PLA2G10: variants seen among roughly 807,000 people sequenced by gnomAD.
The protein encoded by PLA2G10 is phospholipase A2 group X, also known as group 10 secretory phospholipase A2.
In PLA2G10, 9 loss-of-function variants were observed where a neutral mutation model predicts 7.9. The observed-to-expected ratio is 1.14, with a 90% CI of 0.68 to 1.98. The LOEUF (loss-of-function observed/expected upper bound fraction) is 1.98, where lower values mean the gene tolerates loss of function less well. PLA2G10 is among the 30% of genes most tolerant of loss of function. The probability of loss-of-function intolerance (pLI) is 0.00; values close to 1 mark genes in which losing one functional copy is unlikely to be tolerated. For synonymous variants in PLA2G10, 19 were observed against 27.5 expected (o/e 0.69, Z 0.97); for missense variants, 53 against 65.4 (o/e 0.81, Z 0.66).
intron 3 of PLA2G10, among the ~76,000 whole-genome samples, chr16:14,682,463 T>G (rs1304102797): frequency 6.6e-6 from 1 of 151,934 alleles, no homozygotes; most frequent in Non-Finnish European, 1.5e-5. Context: ...TAGTCCCAGC[T>G]ACTCAGAAGA....
At chr16:14,679,990 G>T (rs1960843567) in intron 3 of PLA2G10, among the ~76,000 whole-genome samples, 1 of 151,990 alleles carries the variant, frequency 6.6e-6, no homozygotes, top group Admixed American at 6.6e-5. Context: ...TGATATACGT[G>T]ACCTCTTTTT....
At chr16:14,680,646 G>C (rs1960864732) in intron 3 of PLA2G10, among the ~76,000 whole-genome samples, 1 of 152,154 alleles carries the variant, frequency 6.6e-6, no homozygotes, top group African/African-American at 2.4e-5. Context: ...ACAGGTGGGA[G>C]CCATCGTACT....
intron 3 of PLA2G10, among the ~76,000 whole-genome samples, chr16:14,684,286 G>A (rs768641016): frequency 1.1e-4 from 15 of 135,194 alleles, no homozygotes; most frequent in South Asian, 4.6e-4. Flanking sequence ...GAAGTGAGCC[G>A]AGATCACGCC....
At chr16:14,679,383 C>A (rs779712607) in intron 3 of PLA2G10, among the ~76,000 whole-genome samples, 37 of 151,920 alleles carry the variant, frequency 2.4e-4, no homozygotes, top group Non-Finnish European at 4.6e-4. Flanking sequence ...AAAATACAGG[C>A]CGGGCGTGGT....
chr16:14,687,084 G>A (rs1199252657), intron 3 of PLA2G10, among the ~76,000 whole-genome samples: 4 of 150,498 alleles, frequency 2.7e-5, no homozygotes, highest in Non-Finnish European at 5.9e-5. Flanking sequence ...CTCCAGCCTG[G>A]GCAACAGGAG....
chr16:14,677,897 A>G (rs1276961910), intron 3 of PLA2G10, among the ~76,000 whole-genome samples: 1 of 145,282 alleles, frequency 6.9e-6, no homozygotes, highest in East Asian at 2.0e-4. Flanking sequence ...ATGGATGGAT[A>G]GATGGAAGAA....
intron 3 of PLA2G10, chr16:14,678,885 C>T (rs888126498): frequency 6.4e-5 from 16 of 249,972 alleles, no homozygotes; most frequent in East Asian, 1.4e-4. Context: ...TATCACTCTC[C>T]GACATCATCC....
intron 3 of PLA2G10, among the ~76,000 whole-genome samples, chr16:14,682,169 T>C (rs1370988007): frequency 6.6e-6 from 1 of 152,136 alleles, no homozygotes; most frequent in African/African-American, 2.4e-5. Context: ...TTGGATGAGA[T>C]GATAGATACC....
At chr16:14,686,537 T>G (rs1961070565) in intron 3 of PLA2G10, among the ~76,000 whole-genome samples, 1 of 151,712 alleles carries the variant, frequency 6.6e-6, no homozygotes, top group Non-Finnish European at 1.5e-5. Context: ...GAGATAGAGT[T>G]TCACTCTGTT....
intron 3 of PLA2G10, among the ~76,000 whole-genome samples, chr16:14,683,879 T>C (rs905047581): frequency 6.6e-6 from 1 of 152,058 alleles, no homozygotes; most frequent in Non-Finnish European, 1.5e-5. Flanking sequence ...AAAAGACAAC[T>C]TACATAATGG....
intron 3 of PLA2G10, among the ~76,000 whole-genome samples, chr16:14,686,772 G>T (rs1013299408): frequency 6.6e-6 from 1 of 152,116 alleles, no homozygotes; most frequent in Non-Finnish European, 1.5e-5. Context: ...TGGAACTATA[G>T]GCGTGAGCCA....
At chr16:14,675,187 A>C (rs1270807279) in intron 3 of PLA2G10, among the ~76,000 whole-genome samples, 1 of 151,554 alleles carries the variant, frequency 6.6e-6, no homozygotes, top group Non-Finnish European at 1.5e-5. Context: ...AAAAAAAAAA[A>C]CACTCAAAAA....
At chr16:14,683,123 C>CACCT (rs1960938435) in intron 3 of PLA2G10, among the ~76,000 whole-genome samples, 1 of 152,108 alleles carries the variant, frequency 6.6e-6, no homozygotes, top group South Asian at 2.1e-4. Flanking sequence ...ATCTTCACAA[C>CACCT]ACCTATCTTA....
intron 3 of PLA2G10, among the ~76,000 whole-genome samples, chr16:14,687,674 T>C (rs527384015): frequency 6.6e-6 from 1 of 152,188 alleles, no homozygotes; most frequent in South Asian, 2.1e-4. Context: ...CTTCATGGTT[T>C]TCTTTTTCAA....
At chr16:14,685,989 C>CTTTTTTTTTTTTTTTTT (rs147554543) in intron 3 of PLA2G10, among the ~76,000 whole-genome samples, 1 of 106,742 alleles carries the variant, frequency 9.4e-6, no homozygotes, top group Admixed American at 1.2e-4. Flanking sequence ...TTTCTTTACT[C>CTTTTTTTTTTTTTTTTT]TTTTTTTTTT....
chr16:14,678,072 G>C (rs972528401), intron 3 of PLA2G10, among the ~76,000 whole-genome samples: 1 of 152,170 alleles, frequency 6.6e-6, no homozygotes, highest in African/African-American at 2.4e-5. Context: ...CTTTCCATGG[G>C]CTGCTGCACA....
chr16:14,687,288 G>T (rs1017084056), intron 3 of PLA2G10, among the ~76,000 whole-genome samples: 27 of 150,404 alleles, frequency 1.8e-4, no homozygotes, highest in African/African-American at 6.3e-4. Flanking sequence ...TAATTGCAGG[G>T]TTTTTTTTAT....
chr16:14,686,918 C>A (rs1209138736), intron 3 of PLA2G10, among the ~76,000 whole-genome samples: 1 of 152,012 alleles, frequency 6.6e-6, no homozygotes, highest in Non-Finnish European at 1.5e-5. Context: ...CCAGCCTGAC[C>A]AACATGGCAA....
At chr16:14,677,676 C>G (rs1037820972) in intron 3 of PLA2G10, among the ~76,000 whole-genome samples, 1 of 152,058 alleles carries the variant, frequency 6.6e-6, no homozygotes, top group Non-Finnish European at 1.5e-5. Flanking sequence ...TTTTTATCAC[C>G]CCAGAAGAAA....
Sources: allele counts gnomAD v4.1 joint callset (sites outside exome capture counted in the v4.1 genomes callset), GRCh38; gene constraint gnomAD v4.1.1; transcripts MANE v1.5; gene names NCBI Gene and HGNC (gene_info 2026-07-23, HGNC 2026-07-21).